ITPK1: variants seen among roughly 807,000 people sequenced by gnomAD.
ITPK1 encodes inositol 1,3,4-trisphosphate 5/6-kinase.
In ITPK1, 21 loss-of-function variants were observed where a neutral mutation model predicts 45.3. The observed-to-expected ratio is 0.46, with a 90% CI of 0.33 to 0.67. ITPK1 has a LOEUF of 0.67. Among genes scored for constraint, ITPK1 ranks in the 30% least tolerant of loss-of-function variants. The pLI, the probability that ITPK1 is intolerant of heterozygous loss-of-function variation, is 0.02. For synonymous variants in ITPK1, 258 were observed against 253.6 expected (o/e 1.02, Z -0.16); for missense variants, 474 against 573.5 (o/e 0.83, Z 1.77).
intron 3 of ITPK1, among the ~76,000 whole-genome samples, chr14:93,038,024 T>C (rs1889391246): frequency 1.3e-5 from 2 of 152,186 alleles, no homozygotes; most frequent in Non-Finnish European, 2.9e-5. Flanking sequence ...ATTAACAAAC[T>C]ATAAGGAATA....
chr14:92,983,706 C>T (rs1196360486), intron 5 of ITPK1, among the ~76,000 whole-genome samples: 1 of 152,096 alleles, frequency 6.6e-6, no homozygotes, highest in Non-Finnish European at 1.5e-5. Context: ...AAGGGCAATC[C>T]AGTGAGATCT....
At chr14:93,039,869 C>T (rs1194624292) in intron 3 of ITPK1, among the ~76,000 whole-genome samples, 1 of 152,202 alleles carries the variant, frequency 6.6e-6, no homozygotes, top group Admixed American at 6.5e-5. Context: ...GGACAAATGA[C>T]ACCTTTGCTT....
Position 93,115,891 on chromosome 14 carries a change from G to T in ITPK1, c.-262C>A, listed in dbSNP as rs1320029899. The T allele has an allele frequency of 6.9e-6, 1 of 145,632 alleles. No homozygotes were observed. Among genetic ancestry groups the T allele is most frequent in the African/African-American group, 2.5e-5 (1 of 40,692 alleles). 9.0% of individuals were successfully genotyped at this position (145,632 alleles called of 1,614,324 possible). A position where few individuals can be genotyped will look rare whatever the true frequency, so the allele number is the denominator to read the frequency against. On this transcript the variant is annotated 5_prime_UTR_variant, in exon 1 of 11. Transcript: ENST00000267615. Reference sequence around the variant, plus strand: ...GCCCGCCGCCGCCCCGCGCTGGCCCGGCCGCCCCGCTTGAGCCCGCGGCGG... The same window carrying T: ...GCCCGCCGCCGCCCCGCGCTGGCCCTGCCGCCCCGCTTGAGCCCGCGGCGG...
intron 5 of ITPK1, among the ~76,000 whole-genome samples, chr14:92,973,858 A>G (rs2139767313): frequency 6.6e-6 from 1 of 152,296 alleles, no homozygotes; most frequent in East Asian, 1.9e-4. Flanking sequence ...TTAGAGCCAG[A>G]AGAGAGGGGC....
At chr14:93,109,628 C>G (rs1892664204) in intron 2 of ITPK1, among the ~76,000 whole-genome samples, 1 of 152,156 alleles carries the variant, frequency 6.6e-6, no homozygotes, top group Non-Finnish European at 1.5e-5. Flanking sequence ...TCAGCTTCCC[C>G]ATCCATAAAG....
intron 3 of ITPK1, among the ~76,000 whole-genome samples, chr14:93,022,669 AC>A (rs1276401954): frequency 1.3e-5 from 2 of 151,928 alleles, no homozygotes; most frequent in Non-Finnish European, 2.9e-5. Context: ...GCACCACCAC[AC>A]CCAGCTAATT....
At chr14:93,002,499 G>T (rs1009798940) in intron 4 of ITPK1, among the ~76,000 whole-genome samples, 1 of 152,150 alleles carries the variant, frequency 6.6e-6, no homozygotes, top group Non-Finnish European at 1.5e-5. Context: ...AAGGCCTGGC[G>T]AAATGAAAAG....
intron 2 of ITPK1, among the ~76,000 whole-genome samples, chr14:93,114,736 C>T (rs1163052029): frequency 6.6e-6 from 1 of 152,214 alleles, no homozygotes; most frequent in Non-Finnish European, 1.5e-5. Flanking sequence ...CCTTACCCCA[C>T]AGCGTGGATG....
Position 92,938,363 on chromosome 14 carries a change from G to A in ITPK1, c.*3198C>T. On this transcript the variant is annotated 3_prime_UTR_variant, in exon 11 of 11. Transcript: ENST00000267615. ...GCCAATGTGAGTGCCCAAGAGCCAA[G>A]AACTGGTCTTCCAGGCTAGAAGGAC... 4 of 774,202 alleles carry A rather than the reference G, an allele frequency of 5.2e-6. No individual in the cohort carries two copies. The highest frequency in any genetic ancestry group is 9.2e-6 in the Non-Finnish European group (4 of 435,056). The allele number at this position is 774,202 out of a possible 1,614,324, so 48.0% of individuals were successfully genotyped here. A position where few individuals can be genotyped will look rare whatever the true frequency, so the allele number is the denominator to read the frequency against.
chr14:93,038,948 A>G (rs767236336), intron 3 of ITPK1, among the ~76,000 whole-genome samples: 8 of 152,098 alleles, frequency 5.3e-5, no homozygotes, highest in Non-Finnish European at 1.2e-4. Context: ...AAAATAAGAT[A>G]CTCTAATACC....
rs777945516 is a variant in ITPK1 at position 92,994,049 on chromosome 14, A to C, written c.247-52T>G. 20 of 1,182,890 alleles carry C rather than the reference A, an allele frequency of 1.7e-5. No individual in the cohort carries two copies. The Middle Eastern group carries it at 5.6e-4, about 33-fold the overall frequency. 73.3% of individuals were successfully genotyped at this position (1,182,890 alleles called of 1,614,324 possible). The stretch of plus-strand genomic sequence containing the variant: ...TAGAGCAGGGGTAGGGCCAGGTAGC[A>C]ACTCACCCCTCGCGCCCTCTGCACG... On this transcript the variant is annotated intron_variant, in intron 4 of 10. Coordinates refer to ENST00000267615, the MANE Select transcript of ITPK1 (RefSeq NM_014216.6).
intron 3 of ITPK1, among the ~76,000 whole-genome samples, chr14:93,046,211 T>C (rs1326580446): frequency 6.6e-6 from 1 of 152,228 alleles, no homozygotes; most frequent in Non-Finnish European, 1.5e-5. Flanking sequence ...CTTGTGGCCA[T>C]TGCTCAGGTC....
intron 3 of ITPK1, among the ~76,000 whole-genome samples, chr14:93,073,125 C>A (rs1891090332): frequency 6.6e-6 from 1 of 152,240 alleles, no homozygotes; most frequent in Non-Finnish European, 1.5e-5. Context: ...AATTACTTCA[C>A]CCAAAGTAAC....
intron 5 of ITPK1, among the ~76,000 whole-genome samples, chr14:92,986,011 C>T (rs1368887181): frequency 6.6e-6 from 1 of 152,154 alleles, no homozygotes; most frequent in Non-Finnish European, 1.5e-5. Context: ...ACTTTAGATT[C>T]ACTATGGCGC....
chr14:92,953,116 G>T (rs1405321872), intron 8 of ITPK1, among the ~76,000 whole-genome samples: 1 of 152,248 alleles, frequency 6.6e-6, no homozygotes, highest in East Asian at 1.9e-4. Flanking sequence ...GCGTGCTGGG[G>T]GCCATGCCAA....
intron 4 of ITPK1, chr14:92,999,006 G>T (rs531832720): frequency 6.6e-5 from 10 of 152,280 alleles, no homozygotes; most frequent in Non-Finnish European, 8.8e-5. Context: ...ATAAATCTTC[G>T]TGACCTTGGA....
At position 92,998,453 on chromosome 14, in the gene ITPK1, G is replaced by C. The variant is rs186669565; in HGVS notation, c.247-4456C>G. Among the ~76,000 whole-genome samples the C allele has an allele frequency of 9.2e-4, 140 of 152,300 alleles. 2 individuals carry two copies. The highest frequency in any genetic ancestry group is 3.0e-3 in the African/African-American group (126 of 41,554). ...GGCTCCAGGCAGCGACCTTCCAAGG[G>C]ATTCGTTTTTCAGAGATGCAACTCA... On this transcript the variant is annotated intron_variant, in intron 4 of 10. Coordinates refer to ENST00000267615, the MANE Select transcript of ITPK1 (RefSeq NM_014216.6).
At chr14:93,066,715 G>A (rs1357865485) in intron 3 of ITPK1, among the ~76,000 whole-genome samples, 1 of 152,142 alleles carries the variant, frequency 6.6e-6, no homozygotes, top group Non-Finnish European at 1.5e-5. Flanking sequence ...ACATTTAGCA[G>A]TTCTAAAAGC....
chr14:93,009,347 C>T (rs577318229), intron 4 of ITPK1, among the ~76,000 whole-genome samples: 4 of 152,242 alleles, frequency 2.6e-5, no homozygotes, highest in African/African-American at 9.6e-5. Context: ...CACACACAAG[C>T]AGAGGGGCTG....
Sources: allele counts gnomAD v4.1 joint callset (sites outside exome capture counted in the v4.1 genomes callset), GRCh38; gene constraint gnomAD v4.1.1; transcripts MANE v1.5; gene names NCBI Gene and HGNC (gene_info 2026-07-23, HGNC 2026-07-21).